The following BLTP3B variants were observed in gnomAD, a reference collection of about 807,000 sequenced individuals.
BLTP3B encodes the protein UHRF1 (ICBP90) binding protein 1-like.
the BLTP3B span, chr12:100,047,664 C>G: frequency 2.1e-6 from 3 of 1,435,948 alleles, no homozygotes; most frequent in Non-Finnish European, 2.9e-6. Context: ...ATAACATTGA[C>G]ATGTTACTTC....
chr12:100,047,065 T>G, the BLTP3B span, among the ~76,000 whole-genome samples: 5 of 152,204 alleles, frequency 3.3e-5, no homozygotes, highest in Admixed American at 3.3e-4. Context: ...TAGATGATAC[T>G]TTATTACAAT....
chr12:100,101,280 G>T, the BLTP3B span, among the ~76,000 whole-genome samples: 1 of 152,128 alleles, frequency 6.6e-6, no homozygotes, highest in African/African-American at 2.4e-5. Flanking sequence ...GAAGTGGAAC[G>T]AATCACCATT....
the BLTP3B span, among the ~76,000 whole-genome samples, chr12:100,097,985 G>A: frequency 6.6e-6 from 1 of 152,286 alleles, no homozygotes; most frequent in East Asian, 1.9e-4. Context: ...GGGAGGACAA[G>A]GCAGGTGGAT....
At chr12:100,079,374 T>C in the BLTP3B span, among the ~76,000 whole-genome samples, 181 of 152,256 alleles carry the variant, frequency 1.2e-3, no homozygotes, top group Non-Finnish European at 2.2e-3. Context: ...CAGATGGAGA[T>C]GAGGAACTTG....
chr12:100,134,866 C>T, the BLTP3B span, among the ~76,000 whole-genome samples: 1 of 152,204 alleles, frequency 6.6e-6, no homozygotes, highest in Admixed American at 6.5e-5. Context: ...CTTCAAAATA[C>T]ACCTAGAACC....
At chr12:100,115,396 ACT>A in the BLTP3B span, among the ~76,000 whole-genome samples, 1 of 152,108 alleles carries the variant, frequency 6.6e-6, no homozygotes, top group African/African-American at 2.4e-5. Context: ...ACAGGGTGAA[ACT>A]CTGTCTCAAA....
the BLTP3B span, chr12:100,057,555 C>T: frequency 5.3e-5 from 85 of 1,593,178 alleles, no homozygotes; most frequent in East Asian, 9.0e-5. Flanking sequence ...ATTCTTAAGC[C>T]GTATCATAAC....
chr12:100,088,403 C>CT, the BLTP3B span, among the ~76,000 whole-genome samples: 1 of 152,096 alleles, frequency 6.6e-6, no homozygotes, highest in Non-Finnish European at 1.5e-5. Flanking sequence ...AAGAAAATTC[C>CT]TAACTGGAAT....
At chr12:100,140,291 G>A in the BLTP3B span, among the ~76,000 whole-genome samples, 1 of 151,384 alleles carries the variant, frequency 6.6e-6, no homozygotes, top group East Asian at 1.9e-4. Context: ...CTGAGTTAAG[G>A]ATGTTTTGAA....
the BLTP3B span, chr12:100,083,160 AT>A: frequency 6.5e-7 from 1 of 1,534,790 alleles, no homozygotes; most frequent in Non-Finnish European, 9.0e-7. Context: ...ACTCCTTTCA[AT>A]TCATTGCAAA....
At chr12:100,037,570 C>T in the BLTP3B span, 1 of 1,569,322 alleles carries the variant, frequency 6.4e-7, no homozygotes, top group Middle Eastern at 1.7e-4. Flanking sequence ...TAACTGGTAA[C>T]ATCCACATTA....
At chr12:100,119,034 G>A in the BLTP3B span, among the ~76,000 whole-genome samples, 21 of 152,012 alleles carry the variant, frequency 1.4e-4, no homozygotes, top group African/African-American at 4.3e-4. Flanking sequence ...CTCAGGAGGC[G>A]GAGGTTGCAG....
the BLTP3B span, among the ~76,000 whole-genome samples, chr12:100,078,840 C>T: frequency 2.0e-5 from 3 of 152,006 alleles, no homozygotes; most frequent in South Asian, 2.1e-4. Flanking sequence ...ACAGTTCCCA[C>T]GTGTTGTGTG....
the BLTP3B span, among the ~76,000 whole-genome samples, chr12:100,045,441 G>C: frequency 3.9e-5 from 6 of 152,122 alleles, no homozygotes; most frequent in African/African-American, 1.4e-4. Context: ...ACAACCATCT[G>C]ATCTTTGACA....
chr12:100,139,847 T>C, the BLTP3B span, among the ~76,000 whole-genome samples: 11 of 151,664 alleles, frequency 7.3e-5, no homozygotes, highest in African/African-American at 2.7e-4. Context: ...CAAGCATGAG[T>C]GCTATGGAGA....
the BLTP3B span, chr12:100,098,586 T>C: frequency 1.3e-6 from 2 of 1,546,216 alleles, no homozygotes; most frequent in Non-Finnish European, 1.7e-6. Flanking sequence ...ACAAAACTAA[T>C]TTTTAAAAAT....
At chr12:100,088,157 T>C in the BLTP3B span, among the ~76,000 whole-genome samples, 1 of 152,302 alleles carries the variant, frequency 6.6e-6, no homozygotes, top group South Asian at 2.1e-4. Flanking sequence ...ATATAGATCC[T>C]GATTCAGATC....
the BLTP3B span, among the ~76,000 whole-genome samples, chr12:100,045,609 TA>T: frequency 4.1e-4 from 62 of 152,256 alleles, no homozygotes; most frequent in African/African-American, 1.3e-3. Flanking sequence ...ATGTAAAACC[TA>T]AAATCATAAA....
At chr12:100,098,182 C>T in the BLTP3B span, among the ~76,000 whole-genome samples, 3 of 152,158 alleles carry the variant, frequency 2.0e-5, no homozygotes, top group East Asian at 5.8e-4. Flanking sequence ...TGCGCCACTG[C>T]ACTCCAGCCT....
Sources: allele counts gnomAD v4.1 joint callset (sites outside exome capture counted in the v4.1 genomes callset), GRCh38; gene constraint gnomAD v4.1.1; transcripts MANE v1.5; gene names NCBI Gene and HGNC (gene_info 2026-07-23, HGNC 2026-07-21).